VWA8: variants seen among roughly 807,000 people sequenced by gnomAD.
VWA8 encodes von Willebrand factor A domain-containing protein 8.
In VWA8, 221 loss-of-function variants were observed where a neutral mutation model predicts 241.5. That is an observed-to-expected ratio of 0.91 (90% confidence interval 0.82 to 1.02). The LOEUF (loss-of-function observed/expected upper bound fraction) is 1.02. Ranked by LOEUF, VWA8 falls within the 50% of genes least tolerant of loss-of-function variation. The pLI is 0.00. For missense variants in VWA8, 2,322 were observed against 2,328.7 expected (o/e 1.00, Z 0.06); for synonymous variants, 852 against 827.1 (o/e 1.03, Z -0.52).
chr13:41,679,443 C>T (rs2045082517), intron 35 of VWA8, among the ~76,000 whole-genome samples: 1 of 152,116 alleles, frequency 6.6e-6, no homozygotes, highest in Non-Finnish European at 1.5e-5. Context: ...ATGTGTGCCC[C>T]CAAACTGTGC....
At chr13:41,942,565 T>G (rs2138153927) in intron 2 of VWA8, among the ~76,000 whole-genome samples, 1 of 152,286 alleles carries the variant, frequency 6.6e-6, no homozygotes, top group South Asian at 2.1e-4. Flanking sequence ...GCAGACATAA[T>G]GTACCGAGAA....
intron 12 of VWA8, among the ~76,000 whole-genome samples, chr13:41,847,582 C>T (rs1378199654): frequency 6.6e-6 from 1 of 152,164 alleles, no homozygotes; most frequent in Admixed American, 6.5e-5. Context: ...CAGTGGTTCT[C>T]AACCCTGGCT....
At chr13:41,769,435 C>G (rs1023947211) in intron 20 of VWA8, among the ~76,000 whole-genome samples, 1 of 152,190 alleles carries the variant, frequency 6.6e-6, no homozygotes, top group African/African-American at 2.4e-5. Flanking sequence ...GCTTATTAAT[C>G]ATTGAGGCTG....
chr13:41,736,430 T>C (rs2045525246), intron 21 of VWA8, among the ~76,000 whole-genome samples: 1 of 152,174 alleles, frequency 6.6e-6, no homozygotes, highest in Non-Finnish European at 1.5e-5. Flanking sequence ...GACCAAGTTT[T>C]TATCAAAATA....
chr13:41,696,964 A>C (rs1456288093), intron 29 of VWA8, among the ~76,000 whole-genome samples: 1 of 152,220 alleles, frequency 6.6e-6, no homozygotes, highest in South Asian at 2.1e-4. Flanking sequence ...AACATTTGTT[A>C]ATGAATCCCA....
At chr13:41,744,347 T>C (rs1003057814) in intron 21 of VWA8, among the ~76,000 whole-genome samples, 1 of 152,354 alleles carries the variant, frequency 6.6e-6, no homozygotes, top group African/African-American at 2.4e-5. Flanking sequence ...TGAAGATAAA[T>C]GTATAAATAA....
intron 19 of VWA8, among the ~76,000 whole-genome samples, chr13:41,781,472 A>C (rs1868882972): frequency 6.6e-6 from 1 of 152,096 alleles, no homozygotes; most frequent in Admixed American, 6.5e-5. Flanking sequence ...TACTTCCACC[A>C]CACTGTGTAG....
At chr13:41,731,166 C>T (rs2045480151) in intron 22 of VWA8, among the ~76,000 whole-genome samples, 1 of 151,902 alleles carries the variant, frequency 6.6e-6, no homozygotes, top group Admixed American at 6.6e-5. Context: ...CCTGGGAGAA[C>T]TCAAGCAGGA....
chr13:41,590,563 C>A, intron 41 of VWA8, 77 bp downstream of exon 41: 2 of 1,401,226 alleles, frequency 1.4e-6, no homozygotes, highest in Non-Finnish European at 1.9e-6. Context: ...GATATTTTGA[C>A]ACAACTCACG....
intron 32 of VWA8, among the ~76,000 whole-genome samples, chr13:41,691,089 T>C (rs1223382152): frequency 6.6e-6 from 1 of 152,132 alleles, no homozygotes; most frequent in Non-Finnish European, 1.5e-5. Context: ...ATGGATCATA[T>C]GAAAAAGTCA....
chr13:41,612,057 GGATGA>G (rs769127244), intron 38 of VWA8, among the ~76,000 whole-genome samples: 182 of 152,102 alleles, frequency 1.2e-3, no homozygotes, highest in Middle Eastern at 6.3e-3. Context: ...ACTATATGAT[GGATGA>G]GATATTTTAT....
intron 21 of VWA8, among the ~76,000 whole-genome samples, chr13:41,739,838 TGTTTTTTTTG>T (rs2045553972): frequency 3.4e-5 from 2 of 59,580 alleles, no homozygotes; most frequent in South Asian, 5.9e-4. Flanking sequence ...TTTTTTTTTT[TGTTTTTTTTG>T]TTTTTTTTGT....
chr13:41,754,107 T>G (rs1275529658), intron 21 of VWA8, among the ~76,000 whole-genome samples: 2 of 152,102 alleles, frequency 1.3e-5, no homozygotes, highest in Non-Finnish European at 2.9e-5. Context: ...CTTCAGTGTA[T>G]GTATTTTTTT....
chr13:41,854,693 C>T (rs961719462), intron 12 of VWA8, among the ~76,000 whole-genome samples: 1 of 151,910 alleles, frequency 6.6e-6, no homozygotes, highest in African/African-American at 2.4e-5. Flanking sequence ...TTGAGTGCCT[C>T]TTGGAGCTAA....
At chr13:41,619,546 C>T (rs1035743730) in intron 37 of VWA8, among the ~76,000 whole-genome samples, 6 of 152,142 alleles carry the variant, frequency 3.9e-5, no homozygotes, top group African/African-American at 1.4e-4. Flanking sequence ...CTGTCTTGTG[C>T]CAGTTTTCAA....
chr13:41,723,789 G>T (rs931690258), intron 24 of VWA8, among the ~76,000 whole-genome samples: 1 of 152,116 alleles, frequency 6.6e-6, no homozygotes, highest in Non-Finnish European at 1.5e-5. Context: ...TGAACTGGAA[G>T]CTGGATATGA....
chr13:41,634,130 A>C (rs1014151044), intron 37 of VWA8, among the ~76,000 whole-genome samples: 3 of 152,146 alleles, frequency 2.0e-5, no homozygotes, highest in Non-Finnish European at 2.9e-5. Context: ...AATGCTGAGA[A>C]TCATACAGAG....
chr13:41,816,932 C>T (rs1477136273), intron 15 of VWA8, among the ~76,000 whole-genome samples, 157 bp from the exon 16 acceptor site: 2 of 152,106 alleles, frequency 1.3e-5, no homozygotes, highest in African/African-American at 2.4e-5. Context: ...GATAAAGTTG[C>T]TTATTCAACC....
rs996327398 is a variant in VWA8 at position 41,729,844 on chromosome 13, T to C, written c.2503-167A>G. ...ACACACACACACACACACACACACA[T>C]CTATAGCAGAGCTGGAAACAAAATT... On this transcript the variant is annotated intron_variant, in intron 22 of 44. Coordinates refer to ENST00000379310, the MANE Select transcript of VWA8 (RefSeq NM_015058.2). 3.1e-5 allele frequency among the ~76,000 whole-genome samples: 4 copies of C among 128,866 alleles called. No individual in the cohort carries two copies. The South Asian group carries it at 7.8e-4, about 25-fold the overall frequency. The allele number at this position is 128,866 out of a possible 152,430, so 84.5% of individuals were successfully genotyped here. A position where few individuals can be genotyped will look rare whatever the true frequency, so the allele number is the denominator to read the frequency against.
Sources: allele counts gnomAD v4.1 joint callset (sites outside exome capture counted in the v4.1 genomes callset), GRCh38; gene constraint gnomAD v4.1.1; transcripts MANE v1.5; gene names NCBI Gene and HGNC (gene_info 2026-07-23, HGNC 2026-07-21).